USH2A: variants seen among roughly 807,000 people sequenced by gnomAD.
The protein encoded by USH2A is Usher syndrome 2A (autosomal recessive, mild).
A neutral mutation model predicts 538.9 loss-of-function variants in USH2A; 443 were observed. The observed-to-expected ratio is 0.82, with a 90% CI of 0.76 to 0.89. The LOEUF is 0.89. USH2A is among the 40% of genes least tolerant of loss of function. The pLI is 0.00. For synonymous variants in USH2A, 2,413 were observed against 2,273.5 expected (o/e 1.06, Z -1.75); for missense variants, 6,633 against 6,324.8 (o/e 1.05, Z -1.65).
At chr1:215,648,868 AG>A in intron 65 of USH2A, 102 bp from the exon 66 acceptor site, 6 of 1,145,612 alleles carry the variant, frequency 5.2e-6, no homozygotes, top group Non-Finnish European at 7.9e-6. Flanking sequence ...GTACCATGCC[AG>A]GCACTCTGGG....
chr1:216,239,928 C>T (rs1448043423), intron 13 of USH2A, among the ~76,000 whole-genome samples: 2 of 146,562 alleles, frequency 1.4e-5, no homozygotes, highest in African/African-American at 5.1e-5. Context: ...AGATTAAAAC[C>T]TCAAAAACAC....
intron 59 of USH2A, among the ~76,000 whole-genome samples, chr1:215,742,881 A>T (rs1445831248): frequency 6.6e-6 from 1 of 152,172 alleles, no homozygotes; most frequent in Non-Finnish European, 1.5e-5. Context: ...TTTGTTTTAT[A>T]TTACCAAAGA....
At position 216,196,751 on chromosome 1, in the gene USH2A, C is replaced by G. The variant is rs754174834; in HGVS notation, c.4082-29G>C. The G allele has an allele frequency of 2.5e-6, 4 of 1,605,170 alleles. No individual in the cohort carries two copies. In the Admixed American group the frequency reaches 5.0e-5, roughly 20 times the overall value. The stretch of plus-strand genomic sequence containing the variant: ...TCAATGAGAACAATAACAATAACAT[C>G]AAAACAATGAATGTCGTCCCTATAT... On this transcript the variant is annotated intron_variant, in intron 18 of 71. Coordinates refer to ENST00000307340, the MANE Select transcript of USH2A (RefSeq NM_206933.4).
At chr1:216,125,557 C>T (rs528830114) in intron 21 of USH2A, among the ~76,000 whole-genome samples, 59 of 152,278 alleles carry the variant, frequency 3.9e-4, no homozygotes, top group South Asian at 1.2e-3. Context: ...TTTGATTGTG[C>T]GATGGCCTTT....
At chr1:215,923,028 A>G (rs1391753018) in intron 38 of USH2A, among the ~76,000 whole-genome samples, 2 of 152,108 alleles carry the variant, frequency 1.3e-5, no homozygotes, top group Admixed American at 1.3e-4. Flanking sequence ...CATCCAGCTT[A>G]CTTCTTGAGG....
chr1:216,097,019 T>C, intron 22 of USH2A, 64 bp downstream of exon 22: 1 of 1,461,454 alleles, frequency 6.8e-7, no homozygotes, highest in Non-Finnish European at 9.4e-7. Flanking sequence ...ACAGAAGCAT[T>C]TACCTCAGTA....
rs2034957421 is a variant in USH2A at position 216,200,351 on chromosome 1, T to TC, written c.3317-231_3317-230insG. 2.0e-5 allele frequency among the ~76,000 whole-genome samples: 3 copies of TC among 152,200 alleles called. No individual in the cohort carries two copies. In the South Asian group the frequency reaches 6.2e-4, roughly 31 times the overall value. On this transcript the variant is annotated intron_variant, in intron 16 of 71. Transcript: ENST00000307340. ...TTCATAATAAAGAATGTTTAGATGTTTGTTTTAGTTCTTCTTTTGCTTTTC... is the reference window on the plus strand; with the variant it reads ...TTCATAATAAAGAATGTTTAGATGTTCTGTTTTAGTTCTTCTTTTGCTTTTC...
chr1:215,662,914 T>C (rs900181026), intron 64 of USH2A, among the ~76,000 whole-genome samples: 3 of 152,110 alleles, frequency 2.0e-5, no homozygotes, highest in Non-Finnish European at 4.4e-5. Flanking sequence ...AAATGTGATA[T>C]AGAAAAGAGA....
intron 38 of USH2A, among the ~76,000 whole-genome samples, chr1:215,919,670 T>A (rs1159006353): frequency 6.6e-6 from 1 of 152,124 alleles, no homozygotes; most frequent in Admixed American, 6.6e-5. Flanking sequence ...TATAATTTCA[T>A]ACTTTCTCAA....
At chr1:215,801,120 A>C (rs749646250) in intron 49 of USH2A, among the ~76,000 whole-genome samples, 21 of 152,142 alleles carry the variant, frequency 1.4e-4, no homozygotes, top group Non-Finnish European at 2.8e-4. Flanking sequence ...GAAAATAGGA[A>C]TAGATGAAAA....
chr1:215,936,726 A>G (rs1666508487), intron 37 of USH2A, among the ~76,000 whole-genome samples: 1 of 152,018 alleles, frequency 6.6e-6, no homozygotes, highest in Non-Finnish European at 1.5e-5. Context: ...TTACCTACCT[A>G]TTCTCTACCC....
intron 13 of USH2A, among the ~76,000 whole-genome samples, chr1:216,233,725 A>G (rs2035749850): frequency 6.6e-6 from 1 of 152,172 alleles, no homozygotes; most frequent in African/African-American, 2.4e-5. Context: ...ATATGATTCA[A>G]AAGTTTATTC....
chr1:216,210,445 C>G (rs1251372837), intron 15 of USH2A, among the ~76,000 whole-genome samples: 1 of 152,032 alleles, frequency 6.6e-6, no homozygotes, highest in Non-Finnish European at 1.5e-5. Context: ...ACCAATCATG[C>G]CCTCCTCCTC....
At chr1:215,811,092 A>T (rs1296294552) in intron 49 of USH2A, among the ~76,000 whole-genome samples, 1 of 152,196 alleles carries the variant, frequency 6.6e-6, no homozygotes, top group Non-Finnish European at 1.5e-5. Flanking sequence ...AAGAAATGTG[A>T]CCTAACCAAT....
At chr1:216,230,089 A>G (rs1340711963) in intron 14 of USH2A, among the ~76,000 whole-genome samples, 19 of 152,180 alleles carry the variant, frequency 1.2e-4, no homozygotes, top group Admixed American at 1.2e-3. Context: ...AATGTCACAA[A>G]ATGGCACTGA....
At chr1:216,279,563 T>C (rs144905360) in intron 11 of USH2A, among the ~76,000 whole-genome samples, 21 of 152,194 alleles carry the variant, frequency 1.4e-4, no homozygotes, top group African/African-American at 4.1e-4. Flanking sequence ...CTTTTACACA[T>C]GTAAAATCTG....
At chr1:215,989,709 A>C (rs930301104) in intron 35 of USH2A, among the ~76,000 whole-genome samples, 1 of 151,996 alleles carries the variant, frequency 6.6e-6, no homozygotes, top group Admixed American at 6.6e-5. Flanking sequence ...TGCCCAGTAT[A>C]CTGGCTGGCA....
chr1:216,210,530 A>G (rs970574482), intron 15 of USH2A, among the ~76,000 whole-genome samples: 1 of 151,998 alleles, frequency 6.6e-6, no homozygotes, highest in Admixed American at 6.5e-5. Context: ...AGAAGCAGGG[A>G]CCCCTCTTCT....
At chr1:216,382,639 T>C (rs997795713) in intron 3 of USH2A, among the ~76,000 whole-genome samples, 41 of 152,146 alleles carry the variant, frequency 2.7e-4, no homozygotes, top group African/African-American at 9.4e-4. Flanking sequence ...CATATGAAAA[T>C]AGTACTAGGA....
Sources: gnomAD v4.1 joint callset for allele counts (sites outside exome capture counted in the v4.1 genomes callset) on GRCh38, gnomAD v4.1.1 for gene constraint, MANE v1.5 for transcripts, NCBI Gene and HGNC (gene_info 2026-07-23, HGNC 2026-07-21) for gene names.